Variants in SASH1 observed in about 807,000 individuals in gnomAD.
SASH1 encodes the protein SAM and SH3 domain containing 1, also known as SAM and SH3 domain-containing protein 1.
Under a neutral mutation model 125.2 loss-of-function variants are expected in SASH1, and 44 were observed. The observed-to-expected ratio is 0.35, with a 90% CI of 0.28 to 0.45. The LOEUF (loss-of-function observed/expected upper bound fraction) is 0.45, where lower values mean the gene tolerates loss of function less well. SASH1 is among the 20% of genes least tolerant of loss of function. SASH1 has a pLI of 1.00. For synonymous variants in SASH1, 639 were observed against 649.1 expected (o/e 0.98, Z 0.24); for missense variants, 1,426 against 1,614.5 (o/e 0.88, Z 2.00).
rs764074694 is a variant in SASH1 at position 148,533,943 on chromosome 6, A to C, written c.1907A>C (p.Lys636Thr). Residue 636 changes from lysine (K) to threonine (T), a missense_variant, in exon 15 of 20, where the codon AAG (lysine) becomes ACG (threonine). By Grantham distance (78) the Lys-to-Thr change is moderately conservative. Around this residue, in one of 3 missense-constraint regions of SASH1, gnomAD observed 225 missense variants for 344.5 expected, o/e 0.65. Coordinates refer to ENST00000367467, the MANE Select transcript of SASH1 (RefSeq NM_015278.5). This position sits in a 1 kb window ranked among gnomAD's most constrained non-coding sequence, Gnocchi z 6.2. ...RRRKGRPPQP[K>T]SVEDLLDRIN... ...CGGAAAGGACGACCACCCCAGCCCAAGTCTGTGGAGGATCTCCTGGATCGG... is the reference window on the plus strand; with the variant it reads ...CGGAAAGGACGACCACCCCAGCCCACGTCTGTGGAGGATCTCCTGGATCGG... The C allele has an allele frequency of 6.2e-7, 1 of 1,613,982 alleles. No individual in the cohort carries two copies. The highest frequency in any genetic ancestry group is 1.7e-5 in the Admixed American group (1 of 60,018).
intron 1 of SASH1, among the ~76,000 whole-genome samples, chr6:148,276,171 A>G (rs1362586625): frequency 6.6e-6 from 1 of 152,144 alleles, no homozygotes; most frequent in African/African-American, 2.4e-5. Context: ...GCTTTTCTTC[A>G]TTTGTAAGAT....
chr6:148,304,441 A>G (rs552746738), intron 1 of SASH1, among the ~76,000 whole-genome samples: 23 of 128,916 alleles, frequency 1.8e-4, no homozygotes, highest in African/African-American at 4.3e-4. Flanking sequence ...TCAAAAAAAA[A>G]AAAAGAAAAG....
upstream of SASH1, among the ~76,000 whole-genome samples, chr6:148,338,333 A>G (rs1386509423): frequency 1.3e-5 from 2 of 151,840 alleles, no homozygotes; most frequent in Non-Finnish European, 2.9e-5. Flanking sequence ...AGACTGAGGC[A>G]CAAGAATCAC....
chr6:148,480,644 C>G (rs1441466682), intron 7 of SASH1: 2 of 153,254 alleles, frequency 1.3e-5, no homozygotes, highest in Non-Finnish European at 2.9e-5. Flanking sequence ...TTGGTCCACT[C>G]TGTTTCATTT....
chr6:148,305,641 A>AAAAAAAAAAG (rs1554232122), intron 1 of SASH1, among the ~76,000 whole-genome samples: 1 of 133,146 alleles, frequency 7.5e-6, no homozygotes, highest in Non-Finnish European at 1.6e-5. Context: ...AAAAAAAAAA[A>AAAAAAAAAAG]AAAGAAAGAA....
At chr6:148,277,386 G>C (rs940587577) in intron 1 of SASH1, among the ~76,000 whole-genome samples, 1 of 152,204 alleles carries the variant, frequency 6.6e-6, no homozygotes, top group Admixed American at 6.5e-5. Flanking sequence ...GAGAGACATT[G>C]GGTTCACCGT....
chr6:148,500,357 T>C (rs1779514397), intron 8 of SASH1, among the ~76,000 whole-genome samples: 1 of 152,194 alleles, frequency 6.6e-6, no homozygotes, highest in South Asian at 2.1e-4. Context: ...CTGCCTTTTC[T>C]CTCCTGAAAC....
chr6:148,485,249 T>A (rs1778792959), intron 7 of SASH1, among the ~76,000 whole-genome samples: 1 of 152,072 alleles, frequency 6.6e-6, no homozygotes, highest in Admixed American at 6.5e-5. Context: ...ATACTCTCAA[T>A]CATACAGGGA....
chr6:148,498,028 A>G (rs575406139), intron 8 of SASH1, among the ~76,000 whole-genome samples: 111 of 151,978 alleles, frequency 7.3e-4, no homozygotes, highest in Non-Finnish European at 1.4e-3. Context: ...CATCTTTATC[A>G]TTACTGATTT....
chr6:148,296,000 C>T (rs1779752782), intron 1 of SASH1, among the ~76,000 whole-genome samples: 1 of 152,216 alleles, frequency 6.6e-6, no homozygotes, highest in African/African-American at 2.4e-5. Context: ...TATTGACTTT[C>T]ATTACGCCTT....
chr6:148,463,379 A>G (rs1777704904), intron 4 of SASH1, among the ~76,000 whole-genome samples: 2 of 152,162 alleles, frequency 1.3e-5, no homozygotes, highest in Admixed American at 6.5e-5. Context: ...TCCTGACCTC[A>G]GGTGATCCAC....
At chr6:148,446,054 C>T (rs531451142) in intron 4 of SASH1, among the ~76,000 whole-genome samples, 5 of 146,416 alleles carry the variant, frequency 3.4e-5, no homozygotes, top group South Asian at 4.4e-4. Context: ...GCATTTTTAA[C>T]GGAGCACATT....
chr6:148,302,651 G>T (rs1443075441), intron 1 of SASH1, among the ~76,000 whole-genome samples: 1 of 66,326 alleles, frequency 1.5e-5, no homozygotes, highest in Non-Finnish European at 3.0e-5. Context: ...TTAGATGTGT[G>T]TGTATATATA....
chr6:148,326,357 TGC>T (rs1383946644), intron 1 of SASH1, among the ~76,000 whole-genome samples: 1,821 of 39,746 alleles, frequency 0.046, 103 homozygotes, highest in East Asian at 0.13. Flanking sequence ...TATATATATA[TGC>T]ATATATATAT....
the SASH1 span, among the ~76,000 whole-genome samples, chr6:148,211,716 T>G: frequency 6.6e-6 from 1 of 152,092 alleles, no homozygotes; most frequent in Non-Finnish European, 1.5e-5. Flanking sequence ...GAGCTAGAAA[T>G]GAAGCCCCTG....
chr6:148,327,579 G>A (rs917301986), intron 1 of SASH1, among the ~76,000 whole-genome samples: 5 of 150,332 alleles, frequency 3.3e-5, no homozygotes, highest in African/African-American at 4.9e-5. Context: ...CACTGCGCCC[G>A]GCCAGAAATT....
At chr6:148,304,262 C>A (rs1423796972) in intron 1 of SASH1, among the ~76,000 whole-genome samples, 2 of 151,998 alleles carry the variant, frequency 1.3e-5, no homozygotes, top group Non-Finnish European at 2.9e-5. Flanking sequence ...CATGGTGAAA[C>A]CCTGTCTCTA....
chr6:148,216,917 G>A, the SASH1 span, among the ~76,000 whole-genome samples: 110 of 151,828 alleles, frequency 7.2e-4, no homozygotes, highest in African/African-American at 2.4e-3. Context: ...TAGTAGAGAC[G>A]GGTTTCACCA....
At chr6:148,295,479 G>T (rs1779741643) in intron 1 of SASH1, among the ~76,000 whole-genome samples, 1 of 152,208 alleles carries the variant, frequency 6.6e-6, no homozygotes, top group African/African-American at 2.4e-5. Context: ...GCAGAACCCA[G>T]ATTCTGGTTT....
Sources: allele counts gnomAD v4.1 joint callset (sites outside exome capture counted in the v4.1 genomes callset), GRCh38; gene constraint gnomAD v4.1.1; regional missense constraint gnomAD v4.1.1; non-coding constraint Gnocchi (gnomAD v3.1); transcripts MANE v1.5; gene names NCBI Gene and HGNC (gene_info 2026-07-23, HGNC 2026-07-21).